TANC1: variants seen among roughly 807,000 people sequenced by gnomAD.
TANC1 encodes tetratricopeptide repeat, ankyrin repeat and coiled-coil containing 1.
In TANC1, 77 loss-of-function variants were observed where a neutral mutation model predicts 149.7. The ratio of observed to expected loss-of-function variants is 0.51; its 90% CI spans 0.43 to 0.62. TANC1 has a LOEUF of 0.62. Ranked by LOEUF, TANC1 falls within the 20% of genes least tolerant of loss-of-function variation. TANC1 has a pLI of 0.00. For synonymous variants in TANC1, 854 were observed against 925.0 expected (o/e 0.92, Z 1.39); for missense variants, 1,985 against 2,321.8 (o/e 0.85, Z 2.98).
rs542605255 is a variant in TANC1 at position 159,096,758 on chromosome 2, C to T, written c.62-879C>T. ...GGTGACTTAGGTCAGAGCAGGTGACCGGGATGAGTCAGGACAGAGCAGGTA... is the reference window on the plus strand; with the variant it reads ...GGTGACTTAGGTCAGAGCAGGTGACTGGGATGAGTCAGGACAGAGCAGGTA... On this transcript the variant is annotated intron_variant, in intron 3 of 26. Transcript: ENST00000263635. Among the ~76,000 whole-genome samples the T allele has an allele frequency of 1.3e-3, 205 of 152,120 alleles. 2 individuals carry two copies. The highest frequency in any genetic ancestry group is 3.4e-3 in the Middle Eastern group (1 of 294).
At chr2:159,057,731 T>A (rs749889677) in intron 2 of TANC1, among the ~76,000 whole-genome samples, 1 of 152,202 alleles carries the variant, frequency 6.6e-6, no homozygotes, top group African/African-American at 2.4e-5. Context: ...CAAGGCAGGG[T>A]CTGACCATTC....
intron 16 of TANC1, among the ~76,000 whole-genome samples, chr2:159,191,058 A>C (rs1376215899): frequency 6.6e-6 from 1 of 152,178 alleles, no homozygotes; most frequent in Admixed American, 6.5e-5. Context: ...TTCCTCCACA[A>C]GTACAAGTTG....
chr2:159,213,926 G>T (rs1295541010), intron 19 of TANC1, among the ~76,000 whole-genome samples: 1 of 151,994 alleles, frequency 6.6e-6, no homozygotes, highest in Non-Finnish European at 1.5e-5. Context: ...AGGAGTTCGA[G>T]ACCAGCCTGG....
intron 7 of TANC1, among the ~76,000 whole-genome samples, chr2:159,156,006 T>G (rs2053393895): frequency 6.6e-6 from 1 of 152,232 alleles, no homozygotes; most frequent in Non-Finnish European, 1.5e-5. Flanking sequence ...TTTTATTTCC[T>G]GGACTTTGTG....
In TANC1 at chr2:159,023,364, G is replaced by A. The variant is rs1338905762; in HGVS notation, c.-16+22175G>A. Among the ~76,000 whole-genome samples the A allele has an allele frequency of 7.3e-5, 11 of 150,926 alleles. No individual in the cohort carries two copies. The East Asian group carries it at 2.2e-3, about 30-fold the overall frequency. ...GCCTTTTTTTTTCTTTTTTTTTGAGGCAGAGTCTCGCTCTGTCACCCAGGC... is the reference window on the plus strand; with the variant it reads ...GCCTTTTTTTTTCTTTTTTTTTGAGACAGAGTCTCGCTCTGTCACCCAGGC... On this transcript the variant is annotated intron_variant, in intron 2 of 26. Coordinates refer to ENST00000263635, the MANE Select transcript of TANC1 (RefSeq NM_033394.3).
At chr2:159,067,815 A>G (rs1160076909) in intron 3 of TANC1, among the ~76,000 whole-genome samples, 1 of 152,192 alleles carries the variant, frequency 6.6e-6, no homozygotes, top group African/African-American at 2.4e-5. Flanking sequence ...GACCAGTGCC[A>G]TACTTAGAAG....
intron 1 of TANC1, among the ~76,000 whole-genome samples, chr2:159,000,534 C>T (rs182026880): frequency 5.9e-5 from 9 of 152,016 alleles, no homozygotes; most frequent in African/African-American, 9.7e-5. Context: ...TGTGGTCTTT[C>T]GGGCCCAGGG....
At chr2:159,016,378 G>C (rs1319714887) in intron 2 of TANC1, among the ~76,000 whole-genome samples, 1 of 152,146 alleles carries the variant, frequency 6.6e-6, no homozygotes, top group Non-Finnish European at 1.5e-5. Context: ...AATTATGGGA[G>C]TACAATTCAA....
At chr2:159,178,528 C>T (rs1339688282) in intron 13 of TANC1, 28 bp from the exon 14 acceptor site, 1 of 1,533,764 alleles carries the variant, frequency 6.5e-7, no homozygotes, top group African/African-American at 1.4e-5. Flanking sequence ...TTTAGAGTGA[C>T]ACTGTGGGTT....
chr2:159,040,889 C>G (rs1219622879), intron 2 of TANC1, among the ~76,000 whole-genome samples: 10 of 152,218 alleles, frequency 6.6e-5, no homozygotes, highest in Non-Finnish European at 1.3e-4. Flanking sequence ...TTCTTACCAT[C>G]TTTGTGGTTT....
At chr2:159,188,150 CCTTCTGTTT>C (rs2057155898) in intron 16 of TANC1, among the ~76,000 whole-genome samples, 1 of 140,964 alleles carries the variant, frequency 7.1e-6, no homozygotes, top group Non-Finnish European at 1.7e-5. Flanking sequence ...TTTTCATTAT[CCTTCTGTTT>C]CTTTTATCTT....
chr2:159,034,997 C>T (rs1050036467), intron 2 of TANC1, among the ~76,000 whole-genome samples: 1 of 152,140 alleles, frequency 6.6e-6, no homozygotes, highest in African/African-American at 2.4e-5. Flanking sequence ...CACATGGAAT[C>T]GATGGAGACA....
At chr2:158,982,820 T>G (rs770873377) in intron 1 of TANC1, among the ~76,000 whole-genome samples, 7 of 152,162 alleles carry the variant, frequency 4.6e-5, no homozygotes, top group Non-Finnish European at 1.0e-4. Context: ...AGATAGGATC[T>G]GCTATGTCAC....
In TANC1 at chr2:158,984,540, AT is replaced by A. The variant is rs1316624922; in HGVS notation, c.-126+15763del. On this transcript the variant is annotated intron_variant, in intron 1 of 26. Transcript: ENST00000263635. ...AGCGGGTGGTGGAGGTCTTGTATTC[AT>A]TTTTCCAAAAAATGTTTCTTGAGAG... Among the ~76,000 whole-genome samples the A allele has an allele frequency of 7.2e-5, 11 of 152,250 alleles. No individual in the cohort carries two copies. In the South Asian group the frequency reaches 2.3e-3, roughly 32 times the overall value.
chr2:159,109,173 G>A (rs1409259699), intron 4 of TANC1, among the ~76,000 whole-genome samples: 1 of 152,170 alleles, frequency 6.6e-6, no homozygotes, highest in Non-Finnish European at 1.5e-5. Flanking sequence ...GATGTGAAGG[G>A]TCCTGACAGA....
chr2:159,108,951 G>T (rs954329662), intron 4 of TANC1, among the ~76,000 whole-genome samples: 2 of 152,184 alleles, frequency 1.3e-5, no homozygotes, highest in African/African-American at 4.8e-5. Context: ...CATGCAGGGA[G>T]CCCCTTTTCT....
chr2:159,057,240 C>A (rs2149633054), intron 2 of TANC1, among the ~76,000 whole-genome samples: 1 of 152,318 alleles, frequency 6.6e-6, no homozygotes, highest in South Asian at 2.1e-4. Flanking sequence ...CTCTTACTTG[C>A]CTTCCTCTCA....
chr2:159,122,400 A>G (rs1173240244), intron 4 of TANC1, among the ~76,000 whole-genome samples: 8 of 152,158 alleles, frequency 5.3e-5, no homozygotes, highest in Non-Finnish European at 1.2e-4. Flanking sequence ...CACTATTATC[A>G]TTGAAGTGGC....
At chr2:159,031,372 A>G (rs968784510) in intron 2 of TANC1, among the ~76,000 whole-genome samples, 5 of 152,200 alleles carry the variant, frequency 3.3e-5, no homozygotes, top group African/African-American at 1.2e-4. Context: ...GACAGCCTAG[A>G]CCTAAATAGA....
Sources: gnomAD v4.1 joint callset for allele counts (sites outside exome capture counted in the v4.1 genomes callset) on GRCh38, gnomAD v4.1.1 for gene constraint, MANE v1.5 for transcripts, NCBI Gene and HGNC (gene_info 2026-07-23, HGNC 2026-07-21) for gene names.